NCKAP5: variants seen among roughly 807,000 people sequenced by gnomAD.
The protein encoded by NCKAP5 is NCK associated protein 5.
NCKAP5 carries 92 observed loss-of-function variants against 167.0 expected under a neutral mutation model. The ratio of observed to expected loss-of-function variants is 0.55; its 90% CI spans 0.47 to 0.66. The LOEUF (loss-of-function observed/expected upper bound fraction) is 0.66, where lower values mean the gene tolerates loss of function less well. Among genes scored for constraint, NCKAP5 ranks in the 30% least tolerant of loss-of-function variants. NCKAP5 has a pLI of 0.00. For missense variants in NCKAP5, 2,378 were observed against 2,315.0 expected (o/e 1.03, Z -0.56); for synonymous variants, 891 against 877.4 (o/e 1.02, Z -0.27).
intron 3 of NCKAP5, among the ~76,000 whole-genome samples, chr2:133,346,246 A>C (rs879608423): frequency 3.3e-5 from 5 of 152,332 alleles, no homozygotes; most frequent in Admixed American, 3.3e-4. Flanking sequence ...AGAAGTGAGC[A>C]AAAACACATC....
chr2:133,244,334 C>T (rs2087870516), intron 4 of NCKAP5, among the ~76,000 whole-genome samples: 1 of 152,136 alleles, frequency 6.6e-6, no homozygotes, highest in East Asian at 1.9e-4. Flanking sequence ...CAAAATACAA[C>T]AAACTGTTAT....
chr2:133,256,980 C>T (rs7600407), intron 4 of NCKAP5, among the ~76,000 whole-genome samples: 29,416 of 152,062 alleles, frequency 0.19, 3,517 homozygotes, highest in African/African-American at 0.35. Context: ...GTAGGACCTA[C>T]GCGCGCACAC....
intron 5 of NCKAP5, among the ~76,000 whole-genome samples, chr2:133,174,918 T>C (rs1303020510): frequency 6.6e-6 from 1 of 152,164 alleles, no homozygotes; most frequent in Non-Finnish European, 1.5e-5. Flanking sequence ...AGTCCAAAGA[T>C]GTAGGTAATC....
intron 8 of NCKAP5, among the ~76,000 whole-genome samples, chr2:132,882,153 A>C (rs1691806595): frequency 6.6e-6 from 1 of 152,316 alleles, no homozygotes; most frequent in South Asian, 2.1e-4. Flanking sequence ...TTTTCAGCAA[A>C]AAGAGATGTT....
chr2:132,833,760 A>C lies in NCKAP5; in HGVS notation c.807+26732T>G, dbSNP rs143410497. Among the ~76,000 whole-genome samples, 1,159 of 152,268 alleles carry C rather than the reference A, an allele frequency of 7.6e-3. 14 individuals carry two copies. The highest frequency in any genetic ancestry group is 0.027 in the African/African-American group (1,108 of 41,546). ...AATACCATGCCATTTTGATTACTAT[A>C]GGCTTGTAATATAATTTGAAGTCAG... On this transcript the variant is annotated intron_variant, in intron 11 of 19. Transcript: ENST00000409261.
chr2:132,776,678 A>G (rs16841149), intron 15 of NCKAP5, among the ~76,000 whole-genome samples: 14,645 of 152,222 alleles, frequency 0.096, 1,573 homozygotes, highest in African/African-American at 0.25. Flanking sequence ...ATAGATTTCA[A>G]TGCAAAGTGG....
intron 8 of NCKAP5, among the ~76,000 whole-genome samples, chr2:132,945,250 A>G (rs1697614037): frequency 1.3e-5 from 2 of 150,948 alleles, no homozygotes; most frequent in South Asian, 4.2e-4. Flanking sequence ...ACTTACATCA[A>G]CAAATACTGG....
intron 5 of NCKAP5, among the ~76,000 whole-genome samples, chr2:133,152,822 G>T (rs1007967728): frequency 6.6e-6 from 1 of 152,092 alleles, no homozygotes; most frequent in Non-Finnish European, 1.5e-5. Context: ...TTTGTGTTTA[G>T]ATATCAAATA....
intron 5 of NCKAP5, among the ~76,000 whole-genome samples, chr2:133,156,849 A>G (rs1345781839): frequency 6.6e-6 from 1 of 152,136 alleles, no homozygotes; most frequent in Non-Finnish European, 1.5e-5. Flanking sequence ...AACATGAGCC[A>G]GATTTTTTAG....
intron 6 of NCKAP5, chr2:133,123,794 T>C (rs968488317): frequency 2.1e-6 from 1 of 471,056 alleles, no homozygotes; most frequent in Non-Finnish European, 4.4e-6. Flanking sequence ...TACATTTTCC[T>C]CCTTCTAAAG....
intron 5 of NCKAP5, among the ~76,000 whole-genome samples, chr2:133,207,481 G>A (rs1373706075): frequency 2.0e-5 from 3 of 152,078 alleles, no homozygotes; most frequent in Non-Finnish European, 2.9e-5. Flanking sequence ...ATGTGGGCTG[G>A]TACACAGCAC....
intron 3 of NCKAP5, among the ~76,000 whole-genome samples, chr2:133,336,278 T>C (rs1307777412): frequency 2.0e-5 from 3 of 152,236 alleles, no homozygotes; most frequent in African/African-American, 7.2e-5. Flanking sequence ...TACTCTTACA[T>C]ATAAGGAAGC....
intron 1 of NCKAP5, among the ~76,000 whole-genome samples, chr2:133,564,600 G>A (rs1387795423): frequency 6.6e-6 from 1 of 152,174 alleles, no homozygotes; most frequent in East Asian, 1.9e-4. Context: ...AGAATACCAT[G>A]GGGTGTGACT....
intron 3 of NCKAP5, among the ~76,000 whole-genome samples, chr2:133,371,108 T>C (rs534425729): frequency 2.0e-5 from 3 of 152,324 alleles, no homozygotes; most frequent in East Asian, 1.9e-4. Context: ...CAAACATCTA[T>C]GTGTGGCTCA....
chr2:133,295,666 A>C (rs1393254565), intron 4 of NCKAP5, among the ~76,000 whole-genome samples: 4 of 152,152 alleles, frequency 2.6e-5, no homozygotes, highest in Non-Finnish European at 4.4e-5. Context: ...TTTTGTTGTC[A>C]CAACTGAGGG....
chr2:133,471,458 G>T (rs1354401367), intron 3 of NCKAP5, among the ~76,000 whole-genome samples: 1 of 152,054 alleles, frequency 6.6e-6, no homozygotes, highest in Non-Finnish European at 1.5e-5. Flanking sequence ...TTGCAAATTT[G>T]GTCTGTCTTT....
intron 6 of NCKAP5, among the ~76,000 whole-genome samples, chr2:133,009,234 T>C (rs967549115): frequency 6.6e-6 from 1 of 152,188 alleles, no homozygotes; most frequent in African/African-American, 2.4e-5. Flanking sequence ...TCCTAACTTA[T>C]TCATAGACTA....
intron 3 of NCKAP5, among the ~76,000 whole-genome samples, chr2:133,383,566 T>C (rs1055009717): frequency 1.3e-5 from 2 of 152,216 alleles, no homozygotes; most frequent in Non-Finnish European, 2.9e-5. Flanking sequence ...TTATATTCCT[T>C]TGGTTATATA....
At chr2:133,547,053 T>C (rs1310838703) in intron 2 of NCKAP5, among the ~76,000 whole-genome samples, 3 of 152,264 alleles carry the variant, frequency 2.0e-5, no homozygotes, top group South Asian at 2.1e-4. Flanking sequence ...GGGCGAGGCA[T>C]TGCCTCACTT....
Sources: gnomAD v4.1 joint callset for allele counts (sites outside exome capture counted in the v4.1 genomes callset) on GRCh38, gnomAD v4.1.1 for gene constraint, MANE v1.5 for transcripts, NCBI Gene and HGNC (gene_info 2026-07-23, HGNC 2026-07-21) for gene names.